DACH1: variants seen among roughly 807,000 people sequenced by gnomAD.
The protein encoded by DACH1 is dachshund homolog 1.
A neutral mutation model predicts 54.2 loss-of-function variants in DACH1; 12 were observed. The observed-to-expected ratio is 0.22, with a 90% CI of 0.14 to 0.36. The LOEUF (loss-of-function observed/expected upper bound fraction) is 0.36, where lower values mean the gene tolerates loss of function less well. DACH1 is among the 10% of genes least tolerant of loss of function. The pLI is 1.00. For missense variants in DACH1, 805 were observed against 929.8 expected, an observed-to-expected ratio of 0.87 and a Z score of 1.75; for synonymous variants, 386 against 366.2, an observed-to-expected ratio of 1.05 and a Z score of -0.62.
chr13:71,823,790 A>G (rs1888283188), intron 1 of DACH1, among the ~76,000 whole-genome samples: 1 of 152,064 alleles, frequency 6.6e-6, no homozygotes, highest in Non-Finnish European at 1.5e-5. Flanking sequence ...AAATGATCAT[A>G]TGAAAGTATT....
intron 6 of DACH1, among the ~76,000 whole-genome samples, chr13:71,494,137 A>C (rs2138215124): frequency 6.6e-6 from 1 of 152,278 alleles, no homozygotes; most frequent in Middle Eastern, 3.4e-3. Context: ...TTTTTAGAGG[A>C]CTACACATGG....
chr13:71,614,511 C>A (rs546367547), intron 3 of DACH1, among the ~76,000 whole-genome samples: 2 of 152,062 alleles, frequency 1.3e-5, no homozygotes, highest in African/African-American at 4.8e-5. Context: ...AAAAGTGACA[C>A]CAAGGCTAAG....
chr13:71,687,518 T>C (rs1056854023), intron 1 of DACH1, among the ~76,000 whole-genome samples: 1 of 152,206 alleles, frequency 6.6e-6, no homozygotes, highest in Non-Finnish European at 1.5e-5. Context: ...TGAATGCTTA[T>C]CTTTGAACTC....
intron 2 of DACH1, among the ~76,000 whole-genome samples, chr13:71,636,147 T>C (rs1877475668): frequency 6.6e-6 from 1 of 152,052 alleles, no homozygotes; most frequent in Non-Finnish European, 1.5e-5. Flanking sequence ...TCAGCTGCAG[T>C]GCATGATAAA....
At chr13:71,550,765 C>G (rs1241490300) in intron 6 of DACH1, among the ~76,000 whole-genome samples, 1 of 152,018 alleles carries the variant, frequency 6.6e-6, no homozygotes, top group East Asian at 1.9e-4. Flanking sequence ...TGTTGTTGTC[C>G]AGTGTTATAA....
chr13:71,492,082 C>A (rs1345507351), intron 6 of DACH1, among the ~76,000 whole-genome samples: 1 of 151,998 alleles, frequency 6.6e-6, no homozygotes, highest in Non-Finnish European at 1.5e-5. Flanking sequence ...AATGTAATTT[C>A]TTGTTTTTTT....
At chr13:71,729,738 C>G (rs1191537739) in intron 1 of DACH1, among the ~76,000 whole-genome samples, 1 of 151,944 alleles carries the variant, frequency 6.6e-6, no homozygotes, top group Non-Finnish European at 1.5e-5. Context: ...TCAGTCTCTC[C>G]AGAGGAAGAA....
At chr13:71,585,851 C>A (rs1219456480) in intron 3 of DACH1, among the ~76,000 whole-genome samples, 1 of 151,988 alleles carries the variant, frequency 6.6e-6, no homozygotes, top group African/African-American at 2.4e-5. Flanking sequence ...ATTGATATGA[C>A]CAGGGCAGGA....
intron 1 of DACH1, among the ~76,000 whole-genome samples, chr13:71,752,488 T>TTCTCTC (rs112518177): frequency 4.0e-4 from 59 of 147,930 alleles, no homozygotes; most frequent in East Asian, 4.0e-4. Flanking sequence ...CTCTCTTCCT[T>TTCTCTC]TCTCTCTCTC....
chr13:71,728,204 C>T (rs576868079), intron 1 of DACH1, among the ~76,000 whole-genome samples: 1 of 152,026 alleles, frequency 6.6e-6, no homozygotes, highest in Admixed American at 6.6e-5. Flanking sequence ...AAAAAGAAAG[C>T]ATTTTATTCA....
chr13:71,692,289 T>C (rs926833903), intron 1 of DACH1, among the ~76,000 whole-genome samples: 1 of 152,016 alleles, frequency 6.6e-6, no homozygotes, highest in South Asian at 2.1e-4. Context: ...ATCCTTAGCA[T>C]GGTTAGTCTC....
chr13:71,822,880 G>T (rs532497652), intron 1 of DACH1, among the ~76,000 whole-genome samples: 42 of 151,804 alleles, frequency 2.8e-4, no homozygotes, highest in Middle Eastern at 3.4e-3. Context: ...TCTCCACAAT[G>T]AAAAAAATCA....
chr13:71,809,805 C>A (rs180824651), intron 1 of DACH1, among the ~76,000 whole-genome samples: 7 of 152,054 alleles, frequency 4.6e-5, no homozygotes, highest in Admixed American at 3.3e-4. Context: ...ATAATATAAT[C>A]AAAAATTAAC....
At chr13:71,617,366 T>A (rs972400434) in intron 3 of DACH1, among the ~76,000 whole-genome samples, 2 of 152,172 alleles carry the variant, frequency 1.3e-5, no homozygotes, top group Admixed American at 1.3e-4. Flanking sequence ...CATTCATGAT[T>A]TACAGCCAAC....
chr13:71,678,148 AC>A (rs1880681731), intron 2 of DACH1, among the ~76,000 whole-genome samples: 1 of 152,242 alleles, frequency 6.6e-6, no homozygotes, highest in Admixed American at 6.5e-5. Flanking sequence ...ATACAAAAGT[AC>A]ATAAATAAAG....
At chr13:71,461,252 G>A (rs1232386243) in intron 10 of DACH1, among the ~76,000 whole-genome samples, 1 of 152,016 alleles carries the variant, frequency 6.6e-6, no homozygotes, top group Non-Finnish European at 1.5e-5. Flanking sequence ...TGTAAAAGAA[G>A]ATGTAGGAAG....
chr13:71,536,193 GTATCT>G (rs141350502), intron 6 of DACH1, among the ~76,000 whole-genome samples: 8,564 of 151,964 alleles, frequency 0.056, 783 homozygotes, highest in African/African-American at 0.19. Flanking sequence ...TTAAATAACT[GTATCT>G]TATTGATAAA....
chr13:71,779,180 CATATATACGT>C (rs1175613098), intron 1 of DACH1, among the ~76,000 whole-genome samples: 12 of 127,706 alleles, frequency 9.4e-5, no homozygotes, highest in Non-Finnish European at 1.8e-4. Flanking sequence ...TATATATACA[CATATATACGT>C]ATATACGTAT....
At position 71,712,632 on chromosome 13, in the gene DACH1, C is replaced by T. The variant is rs558796145; in HGVS notation, c.849-30722G>A. On this transcript the variant is annotated intron_variant, in intron 1 of 10. Transcript: ENST00000613252. ...AGAAACTTAGAGGTTGTTCCATGTACGACATGCTGGCCTATTACATATCAC... is the reference window on the plus strand; with the variant it reads ...AGAAACTTAGAGGTTGTTCCATGTATGACATGCTGGCCTATTACATATCAC... 1.6e-4 allele frequency among the ~76,000 whole-genome samples: 25 copies of T among 152,140 alleles called. 1 individual carries two copies. The highest frequency in any genetic ancestry group is 1.1e-3 in the Admixed American group (17 of 15,268).
Sources: gnomAD v4.1 joint callset for allele counts (sites outside exome capture counted in the v4.1 genomes callset) on GRCh38, gnomAD v4.1.1 for gene constraint, MANE v1.5 for transcripts, NCBI Gene and HGNC (gene_info 2026-07-23, HGNC 2026-07-21) for gene names.